TPO: variants seen among roughly 807,000 people sequenced by gnomAD.
TPO encodes the protein thyroid microsomal antigen.
TPO carries 78 observed loss-of-function variants against 96.9 expected under a neutral mutation model. The ratio of observed to expected loss-of-function variants is 0.81; its 90% CI spans 0.67 to 0.97. The LOEUF is 0.97. Among genes scored for constraint, TPO ranks in the 50% least tolerant of loss-of-function variants. The pLI is 0.00. For synonymous variants in TPO, 547 were observed against 538.0 expected (o/e 1.02, Z -0.23); for missense variants, 1,252 against 1,274.8 (o/e 0.98, Z 0.27).
rs151154074 is a variant in TPO at position 1,456,123 on chromosome 2, C to T, written c.660C>T (p.Val220=). ...TCATTCAAGTTTCAAATGAGGTTGT[C>T]ACAGATGATGACCGCTATTCTGACC... The part of the protein sequence containing the change: ...RHVIQVSNEV[V]TDDDRYSDLL... The change falls in exon 7 of 17, where the codon GTC becomes GTT. Residue 220 remains valine, a synonymous_variant. Transcript: ENST00000329066. 1,985 of 1,614,064 alleles carry T rather than the reference C, an allele frequency of 1.2e-3. 3 individuals carry two copies. The highest frequency in any genetic ancestry group is 1.6e-3 in the Non-Finnish European group (1,843 of 1,180,036).
chr2:1,391,212 T>C (rs10167825), intron 1 of TPO, among the ~76,000 whole-genome samples: 7,159 of 152,294 alleles, frequency 0.047, 468 homozygotes, highest in East Asian at 0.3. Flanking sequence ...TTGTATAAGA[T>C]GTAAGGAAAG....
intron 3 of TPO, among the ~76,000 whole-genome samples, chr2:1,429,324 A>C (rs4629198): frequency 0.13 from 20,078 of 152,178 alleles, 1,848 homozygotes; most frequent in East Asian, 0.26. Context: ...TGCAGGAGCC[A>C]TGCTTATATA....
At position 1,509,722 on chromosome 2, in the gene TPO, A is replaced by AGAGCCCACCCTCTTTTTT. The variant is rs1673879404; in HGVS notation, c.2518+5643_2518+5644insGAGCCCACCCTCTTTTTT. ...GCACACCCCCCTTCTTCTGTCAGGC[A>AGAGCCCACCCTCTTTTTT]CAGCCCACCCTCTTGTTTCAGGGAC... On this transcript the variant is annotated intron_variant, in intron 14 of 16. Transcript: ENST00000329066. Among the ~76,000 whole-genome samples, 2 of 149,546 alleles carry AGAGCCCACCCTCTTTTTT rather than the reference A, an allele frequency of 1.3e-5. 1 individual carries two copies. Among genetic ancestry groups the AGAGCCCACCCTCTTTTTT allele is most frequent in the Non-Finnish European group, 3.0e-5 (2 of 67,514 alleles).
chr2:1,542,460 C>T lies in TPO; in HGVS notation c.2788C>T (p.Pro930Ser), dbSNP rs1469105591. The change falls in exon 17 of 17, where the codon CCG (proline) becomes TCG (serine). Residue 930 changes from proline (P) to serine (S), a missense_variant. Transcript: ENST00000329066. ...GGAAGGCCGGGATACTCACAGGCTG[C>T]CGAGAGCCCTCTGAGGGCAAAGTGG... The part of the protein sequence containing the change: ...GMEGRDTHRL[P>S]RAL 1.2e-6 allele frequency: 2 copies of T among 1,614,062 alleles called. No individual in the cohort carries two copies. The highest frequency in any genetic ancestry group is 1.7e-6 in the Non-Finnish European group (2 of 1,180,036).
At chr2:1,523,852 G>C (rs1159927736) in intron 15 of TPO, among the ~76,000 whole-genome samples, 1 of 81,002 alleles carries the variant, frequency 1.2e-5, no homozygotes, top group Non-Finnish European at 2.2e-5. Flanking sequence ...CCCCAACTGT[G>C]TGTGAGCTCC....
chr2:1,541,171 C>T (rs1373734330), intron 16 of TPO: 1 of 1,176,148 alleles, frequency 8.5e-7, no homozygotes, highest in East Asian at 5.9e-5. Context: ...ATCAAAAACT[C>T]ACTTGTGTAA....
intron 2 of TPO, among the ~76,000 whole-genome samples, chr2:1,416,931 C>T (rs1663021428): frequency 6.6e-6 from 1 of 152,170 alleles, no homozygotes; most frequent in Non-Finnish European, 1.5e-5. Flanking sequence ...CCCCCTGGAC[C>T]ACACACGGTC....
chr2:1,421,788 C>T (rs1051892375), intron 2 of TPO, among the ~76,000 whole-genome samples: 1 of 152,160 alleles, frequency 6.6e-6, no homozygotes, highest in Non-Finnish European at 1.5e-5. Context: ...CACCTGCCAC[C>T]GATCCTGCGA....
chr2:1,519,143 T>C (rs1279351956), intron 15 of TPO, among the ~76,000 whole-genome samples: 1 of 152,218 alleles, frequency 6.6e-6, no homozygotes, highest in Non-Finnish European at 1.5e-5. Flanking sequence ...GGCACCTTGA[T>C]GTGGACTCCT....
At chr2:1,512,109 C>T (rs1674201724) in intron 14 of TPO, among the ~76,000 whole-genome samples, 2 of 152,092 alleles carry the variant, frequency 1.3e-5, no homozygotes, top group South Asian at 4.1e-4. Context: ...TCTCAGCCCA[C>T]TGCAAGCTCC....
At chr2:1,451,527 C>T (rs958966311) in intron 5 of TPO, among the ~76,000 whole-genome samples, 11 of 152,120 alleles carry the variant, frequency 7.2e-5, no homozygotes, top group African/African-American at 2.4e-4. Flanking sequence ...TTTTCAAAGC[C>T]TGCATCCTAG....
intron 7 of TPO, among the ~76,000 whole-genome samples, chr2:1,471,799 A>C (rs1223970293): frequency 6.6e-6 from 1 of 152,024 alleles, no homozygotes; most frequent in Non-Finnish European, 1.5e-5. Context: ...GCTCAAAGGG[A>C]TTCACTGGGC....
chr2:1,525,891 A>G (rs60116686), intron 15 of TPO, among the ~76,000 whole-genome samples: 81 of 86,810 alleles, frequency 9.3e-4, no homozygotes, highest in African/African-American at 3.0e-3. Flanking sequence ...TCAAATCCCA[A>G]TACTGTGTGC....
intron 14 of TPO, among the ~76,000 whole-genome samples, chr2:1,504,588 C>T (rs907212797): frequency 4.6e-5 from 7 of 152,256 alleles, no homozygotes; most frequent in African/African-American, 1.7e-4. Flanking sequence ...TCCAGTCCCC[C>T]AGCTCTGCAC....
At chr2:1,393,114 G>A (rs1662028442) in intron 1 of TPO, among the ~76,000 whole-genome samples, 1 of 152,216 alleles carries the variant, frequency 6.6e-6, no homozygotes, top group African/African-American at 2.4e-5. Context: ...AAGCTGTAGA[G>A]GAAACAGCAG....
chr2:1,416,497 C>T (rs1573087873), intron 2 of TPO, among the ~76,000 whole-genome samples: 1 of 152,120 alleles, frequency 6.6e-6, no homozygotes, highest in Non-Finnish European at 1.5e-5. Flanking sequence ...ATGCAGTAGC[C>T]ACAGCTTTTG....
chr2:1,542,568 A>T lies in TPO; in HGVS notation c.*94A>T. 6.3e-7 allele frequency: 1 copy of T among 1,581,342 alleles called. No individual in the cohort carries two copies. The stretch of plus-strand genomic sequence containing the variant: ...CACAGGCAAATCCGAAATCAGCAGG[A>T]CGACTGTTTTCCCAACACGGGTAAA... On this transcript the variant is annotated 3_prime_UTR_variant, in exon 17 of 17. Coordinates refer to ENST00000329066, the MANE Select transcript of TPO (RefSeq NM_001206744.2).
chr2:1,436,674 C>T (rs1304134571), intron 5 of TPO, among the ~76,000 whole-genome samples: 1 of 152,234 alleles, frequency 6.6e-6, no homozygotes, highest in Admixed American at 6.5e-5. Context: ...CCTAAGAGCT[C>T]AAGCCACGTG....
chr2:1,414,274 G>T (rs924940556), intron 1 of TPO, 134 bp from the exon 2 acceptor site: 5 of 840,990 alleles, frequency 5.9e-6, no homozygotes, highest in Admixed American at 2.0e-5. Context: ...CCAGGCCTGT[G>T]AGGGTCGCTC....
Sources: allele counts gnomAD v4.1 joint callset (sites outside exome capture counted in the v4.1 genomes callset), GRCh38; gene constraint gnomAD v4.1.1; transcripts MANE v1.5; gene names NCBI Gene and HGNC (gene_info 2026-07-23, HGNC 2026-07-21).